The following NAV2 variants were observed in gnomAD, a reference collection of about 807,000 sequenced individuals.
The protein encoded by NAV2 is neuron navigator 2.
A neutral mutation model predicts 223.2 loss-of-function variants in NAV2; 54 were observed. The ratio of observed to expected loss-of-function variants is 0.24; its 90% CI spans 0.19 to 0.30. The LOEUF is 0.30. Among genes scored for constraint, NAV2 ranks in the 10% least tolerant of loss-of-function variants. The pLI is 1.00. For synonymous variants in NAV2, 1,279 were observed against 1,239.3 expected, an observed-to-expected ratio of 1.03 and a Z score of -0.67; for missense variants, 2,806 against 3,147.5, an observed-to-expected ratio of 0.89 and a Z score of 2.60.
intron 1 of NAV2, among the ~76,000 whole-genome samples, chr11:19,363,510 C>G (rs1854082355): frequency 6.6e-6 from 1 of 152,150 alleles, no homozygotes; most frequent in African/African-American, 2.4e-5. Context: ...AAATTCAAAC[C>G]CAAGTATGTC....
chr11:19,404,205 G>T (rs1007000123), intron 1 of NAV2, among the ~76,000 whole-genome samples: 3 of 152,186 alleles, frequency 2.0e-5, no homozygotes, highest in African/African-American at 7.2e-5. Flanking sequence ...TCATGGAGGG[G>T]GAGATCATGG....
intron 1 of NAV2, among the ~76,000 whole-genome samples, chr11:19,623,311 TG>T (rs1248855173): frequency 6.6e-6 from 1 of 152,230 alleles, no homozygotes; most frequent in Non-Finnish European, 1.5e-5. Flanking sequence ...AATGTTGGCC[TG>T]CCTTGCTAGG....
At chr11:19,821,206 G>A (rs2152850380) in intron 1 of NAV2, among the ~76,000 whole-genome samples, 1 of 150,326 alleles carries the variant, frequency 6.7e-6, no homozygotes, top group East Asian at 2.0e-4. Flanking sequence ...AGCTTGCAGT[G>A]AGCCGAGATT....
chr11:19,604,196 A>AT (rs2046423040), intron 1 of NAV2, among the ~76,000 whole-genome samples: 1 of 152,132 alleles, frequency 6.6e-6, no homozygotes, highest in African/African-American at 2.4e-5. Flanking sequence ...AAACGTTTTT[A>AT]AAGAGTTACT....
At chr11:19,373,796 G>A (rs1164308699) in intron 1 of NAV2, among the ~76,000 whole-genome samples, 3 of 152,184 alleles carry the variant, frequency 2.0e-5, no homozygotes, top group African/African-American at 7.2e-5. Flanking sequence ...GTGGCTGCAT[G>A]TGGCCTGGGG....
Position 19,933,575 on chromosome 11 carries a change from C to T in NAV2, c.1331C>T (p.Ala444Val), listed in dbSNP as rs2045583834. Residue 444 changes from alanine to valine, a missense_variant, in exon 7 of 38, where the codon GCC becomes GTC. Ala to Val is a moderately conservative substitution (Grantham distance 64, BLOSUM62 0). Coordinates refer to ENST00000349880, the MANE Select transcript of NAV2 (RefSeq NM_145117.5). The surrounding 1 kb of genome is among the most constrained non-coding windows in gnomAD (Gnocchi z 4.3). ...TTCGAAGAGAGCGAGGAGCTGGAGG[C>T]CGCCAGTCGCATGCTCACCACCGTG... ...PSFEESEELEAASRMLTTVGP... is the reference protein window; with the variant it reads ...PSFEESEELEVASRMLTTVGP... 1 of 1,610,672 alleles carries T rather than the reference C, an allele frequency of 6.2e-7. No homozygotes were observed. The highest frequency in any genetic ancestry group is 8.5e-7 in the Non-Finnish European group (1 of 1,177,716).
chr11:19,707,321 G>T (rs1293953402), intron 1 of NAV2, among the ~76,000 whole-genome samples: 1 of 152,006 alleles, frequency 6.6e-6, no homozygotes, highest in Non-Finnish European at 1.5e-5. Context: ...ATAACACTTA[G>T]CTTAAAACGC....
intron 1 of NAV2, among the ~76,000 whole-genome samples, chr11:19,776,675 T>TGTGTGTGTGG: frequency 6.8e-6 from 1 of 146,790 alleles, no homozygotes; most frequent in South Asian, 2.2e-4. Flanking sequence ...TGTGTGTGTG[T>TGTGTGTGTGG]GGTTAGAGTT....
chr11:19,548,847 C>T (rs1183336887), intron 1 of NAV2, among the ~76,000 whole-genome samples: 3 of 146,328 alleles, frequency 2.1e-5, no homozygotes, highest in African/African-American at 5.2e-5. Flanking sequence ...CACAGCACTC[C>T]AGCCTGGGTG....
chr11:19,847,576 T>C (rs946176668), intron 3 of NAV2, among the ~76,000 whole-genome samples: 2 of 152,190 alleles, frequency 1.3e-5, no homozygotes, highest in Non-Finnish European at 2.9e-5. Context: ...TTGAGCTAAT[T>C]ACTTGACTCT....
At chr11:19,681,268 T>C (rs2048873848) in intron 1 of NAV2, among the ~76,000 whole-genome samples, 1 of 152,254 alleles carries the variant, frequency 6.6e-6, no homozygotes, top group African/African-American at 2.4e-5. Flanking sequence ...TATCAAATAA[T>C]GACAATGTGC....
At chr11:19,644,882 G>T (rs2047771757) in intron 1 of NAV2, among the ~76,000 whole-genome samples, 1 of 152,226 alleles carries the variant, frequency 6.6e-6, no homozygotes, top group Admixed American at 6.5e-5. Flanking sequence ...GGCTTTGACT[G>T]AATGTTGCAT....
intron 1 of NAV2, among the ~76,000 whole-genome samples, chr11:19,482,843 T>C (rs2042322682): frequency 6.6e-6 from 1 of 152,184 alleles, no homozygotes; most frequent in African/African-American, 2.4e-5. Flanking sequence ...TAAGTGCCAG[T>C]GTGCTGGAGA....
At chr11:20,100,549 GTGT>G (rs1565070854) in intron 31 of NAV2, among the ~76,000 whole-genome samples, 8 of 7,846 alleles carry the variant, frequency 1.0e-3, no homozygotes, top group South Asian at 9.8e-3. Flanking sequence ...CTAGAGGGGT[GTGT>G]GTGTGTGTGT....
At chr11:19,623,313 C>T (rs2047064655) in intron 1 of NAV2, among the ~76,000 whole-genome samples, 1 of 152,128 alleles carries the variant, frequency 6.6e-6, no homozygotes, top group Admixed American at 6.5e-5. Context: ...TGTTGGCCTG[C>T]CTTGCTAGGT....
At chr11:19,546,024 C>T (rs914099738) in intron 1 of NAV2, among the ~76,000 whole-genome samples, 1 of 152,158 alleles carries the variant, frequency 6.6e-6, no homozygotes, top group African/African-American at 2.4e-5. Context: ...TAGGGGGTCT[C>T]TTCCTCCACT....
chr11:19,462,729 A>G (rs1852210349), intron 1 of NAV2, among the ~76,000 whole-genome samples: 1 of 152,214 alleles, frequency 6.6e-6, no homozygotes, highest in Admixed American at 6.5e-5. Flanking sequence ...GAGCATCCTT[A>G]GCCTCCATCA....
At chr11:19,346,130 G>GGTCC (rs1852992647), upstream of NAV2, among the ~76,000 whole-genome samples, 1 of 152,122 alleles carries the variant, frequency 6.6e-6, no homozygotes, top group South Asian at 2.1e-4. Flanking sequence ...TCCGAATGTA[G>GGTCC]GTCCAGTACC....
intron 1 of NAV2, among the ~76,000 whole-genome samples, chr11:19,803,608 A>G (rs552707852): frequency 9.2e-5 from 14 of 152,262 alleles, no homozygotes; most frequent in Non-Finnish European, 2.1e-4. Context: ...GATGCTGCAT[A>G]TAATTAATTG....
Sources: allele counts gnomAD v4.1 joint callset (sites outside exome capture counted in the v4.1 genomes callset), GRCh38; gene constraint gnomAD v4.1.1; non-coding constraint Gnocchi (gnomAD v3.1); transcripts MANE v1.5; gene names NCBI Gene and HGNC (gene_info 2026-07-23, HGNC 2026-07-21).